TENM3: variants seen among roughly 807,000 people sequenced by gnomAD.
TENM3 encodes the protein teneurin transmembrane protein 3.
Under a neutral mutation model 255.1 loss-of-function variants are expected in TENM3, and 63 were observed. The observed-to-expected ratio is 0.25, with a 90% CI of 0.20 to 0.30. TENM3 has a LOEUF of 0.30. TENM3 is among the 10% of genes least tolerant of loss of function. The pLI is 1.00. For missense variants in TENM3, 2,929 were observed against 3,461.1 expected, an observed-to-expected ratio of 0.85 and a Z score of 3.86; for synonymous variants, 1,306 against 1,322.3, an observed-to-expected ratio of 0.99 and a Z score of 0.27.
chr4:181,965,614 A>G, the TENM3 span, among the ~76,000 whole-genome samples: 1 of 152,146 alleles, frequency 6.6e-6, no homozygotes, highest in African/African-American at 2.4e-5. Context: ...ATGGCAGCCA[A>G]CGTTCAGTCC....
intron 22 of TENM3, among the ~76,000 whole-genome samples, chr4:182,765,931 T>C (rs904961631): frequency 5.3e-5 from 8 of 152,216 alleles, no homozygotes; most frequent in African/African-American, 1.7e-4. Context: ...AAAACAGTTA[T>C]GCATATTGCA....
chr4:182,341,500 C>T (rs551245906), intron 2 of TENM3, among the ~76,000 whole-genome samples: 1 of 152,258 alleles, frequency 6.6e-6, no homozygotes, highest in African/African-American at 2.4e-5. Flanking sequence ...TACAAACGAG[C>T]TTCCCTGCAG....
the TENM3 span, among the ~76,000 whole-genome samples, chr4:182,071,092 A>G: frequency 1.3e-5 from 1 of 79,108 alleles, no homozygotes; most frequent in Non-Finnish European, 3.2e-5. Context: ...CCTTTTTCCC[A>G]AGAAGAACAA....
the TENM3 span, among the ~76,000 whole-genome samples, chr4:181,614,378 G>A: frequency 6.6e-6 from 1 of 151,994 alleles, no homozygotes; most frequent in South Asian, 2.1e-4. Context: ...CAGGATTTTG[G>A]GGGACAGTAA....
chr4:181,710,953 T>C, the TENM3 span, among the ~76,000 whole-genome samples: 8 of 151,944 alleles, frequency 5.3e-5, no homozygotes, highest in African/African-American at 1.7e-4. Context: ...CTGATTCTAA[T>C]TGGCAATCAG....
intron 3 of TENM3, among the ~76,000 whole-genome samples, chr4:182,365,707 G>A (rs1000193244): frequency 1.3e-5 from 2 of 152,204 alleles, no homozygotes; most frequent in Non-Finnish European, 2.9e-5. Context: ...AAAAGATGCA[G>A]GAGATACATA....
chr4:182,440,274 G>T (rs908588240), intron 3 of TENM3, among the ~76,000 whole-genome samples: 1 of 151,936 alleles, frequency 6.6e-6, no homozygotes. Flanking sequence ...ACCACGCCCA[G>T]CTAATTTTTT....
At chr4:182,229,875 T>G (rs1231760121) in intron 1 of TENM3, among the ~76,000 whole-genome samples, 1 of 152,108 alleles carries the variant, frequency 6.6e-6, no homozygotes. Flanking sequence ...AATTCTAAAA[T>G]TTGGAAGGAT....
the TENM3 span, among the ~76,000 whole-genome samples, chr4:181,748,502 CTG>C: frequency 6.6e-6 from 1 of 152,044 alleles, no homozygotes; most frequent in Non-Finnish European, 1.5e-5. Flanking sequence ...TGGTAGATGA[CTG>C]TTTCTGTATC....
chr4:182,775,326 G>A (rs1178839563), intron 24 of TENM3, among the ~76,000 whole-genome samples, 173 bp downstream of exon 24: 1 of 152,128 alleles, frequency 6.6e-6, no homozygotes, highest in African/African-American at 2.4e-5. Flanking sequence ...CAGCTGGGGA[G>A]GCTGGAGGGA....
chr4:182,011,207 C>A, the TENM3 span, among the ~76,000 whole-genome samples: 4 of 152,286 alleles, frequency 2.6e-5, no homozygotes, highest in African/African-American at 9.6e-5. Flanking sequence ...CTCTAAAGCC[C>A]AAAACTGAAC....
chr4:182,623,703 C>G (rs1003041443), intron 4 of TENM3, among the ~76,000 whole-genome samples: 1 of 152,130 alleles, frequency 6.6e-6, no homozygotes, highest in Non-Finnish European at 1.5e-5. Context: ...TACCCCAGCT[C>G]TTCCATGATG....
chr4:182,047,390 C>T, the TENM3 span, among the ~76,000 whole-genome samples: 3 of 151,824 alleles, frequency 2.0e-5, no homozygotes, highest in Admixed American at 6.6e-5. Context: ...GGTGAAACCC[C>T]GTTTCTACTA....
chr4:181,855,856 AG>A, the TENM3 span, among the ~76,000 whole-genome samples: 1 of 149,110 alleles, frequency 6.7e-6, no homozygotes, highest in Non-Finnish European at 1.5e-5. Context: ...AGAGGGAGGG[AG>A]GGAGGATAGG....
intron 4 of TENM3, among the ~76,000 whole-genome samples, chr4:182,616,709 T>G (rs1749577350): frequency 6.6e-6 from 1 of 152,028 alleles, no homozygotes; most frequent in African/African-American, 2.4e-5. Context: ...CTTACAGAGC[T>G]TCTGAGGGCC....
chr4:181,995,560 A>C, the TENM3 span, among the ~76,000 whole-genome samples: 8 of 152,154 alleles, frequency 5.3e-5, no homozygotes, highest in Non-Finnish European at 1.0e-4. Context: ...TTAGGTATAT[A>C]ATTTCCCGAA....
chr4:182,723,369 A>G (rs1405504681), intron 13 of TENM3, among the ~76,000 whole-genome samples: 1 of 152,074 alleles, frequency 6.6e-6, no homozygotes, highest in Non-Finnish European at 1.5e-5. Context: ...CAAATAAAAT[A>G]TTACATGGGA....
At chr4:181,623,561 T>C in the TENM3 span, among the ~76,000 whole-genome samples, 1 of 152,250 alleles carries the variant, frequency 6.6e-6, no homozygotes, top group Non-Finnish European at 1.5e-5. Flanking sequence ...CAATGACTCA[T>C]GAAACTCGGC....
the TENM3 span, among the ~76,000 whole-genome samples, chr4:181,720,525 C>T: frequency 1.3e-5 from 2 of 152,052 alleles, no homozygotes; most frequent in South Asian, 4.1e-4. Flanking sequence ...TAAAAATTAG[C>T]TTGGATTTTT....
Sources: gnomAD v4.1 joint callset for allele counts (sites outside exome capture counted in the v4.1 genomes callset) on GRCh38, gnomAD v4.1.1 for gene constraint, MANE v1.5 for transcripts, NCBI Gene and HGNC (gene_info 2026-07-23, HGNC 2026-07-21) for gene names.